RIMS2: variants seen among roughly 807,000 people sequenced by gnomAD.
The protein encoded by RIMS2 is regulating synaptic membrane exocytosis 2, also known as regulating synaptic membrane exocytosis protein 2.
Under a neutral mutation model 174.4 loss-of-function variants are expected in RIMS2, and 59 were observed. That is an observed-to-expected ratio of 0.34 (90% confidence interval 0.27 to 0.42). The LOEUF is 0.42. Among genes scored for constraint, RIMS2 ranks in the 10% least tolerant of loss-of-function variants. The pLI, the probability that RIMS2 is intolerant of heterozygous loss-of-function variation, is 1.00. For missense variants in RIMS2, 1,620 were observed against 1,666.3 expected, an observed-to-expected ratio of 0.97 and a Z score of 0.48; for synonymous variants, 606 against 572.5, an observed-to-expected ratio of 1.06 and a Z score of -0.84.
intron 1 of RIMS2, among the ~76,000 whole-genome samples, chr8:103,564,425 T>A (rs2092063008): frequency 6.6e-6 from 1 of 152,130 alleles, no homozygotes. Flanking sequence ...TTGACTCACA[T>A]AATCACAAGA....
At chr8:103,653,256 C>T (rs1254841179) in intron 1 of RIMS2, among the ~76,000 whole-genome samples, 1 of 152,106 alleles carries the variant, frequency 6.6e-6, no homozygotes, top group East Asian at 1.9e-4. Context: ...GGAAATGTGG[C>T]AATATATTCT....
chr8:104,198,731 G>C (rs957559647), intron 19 of RIMS2, among the ~76,000 whole-genome samples: 2 of 152,152 alleles, frequency 1.3e-5, no homozygotes, highest in African/African-American at 4.8e-5. Flanking sequence ...CCATCCTCAG[G>C]CTCTGGAGTG....
chr8:103,755,280 G>T (rs1460697080), intron 2 of RIMS2, among the ~76,000 whole-genome samples: 3 of 152,200 alleles, frequency 2.0e-5, no homozygotes, highest in Non-Finnish European at 2.9e-5. Context: ...GGCTTGTAGA[G>T]TTTCTGCCAA....
At chr8:104,093,256 A>T (rs2097694399) in intron 19 of RIMS2, among the ~76,000 whole-genome samples, 1 of 152,064 alleles carries the variant, frequency 6.6e-6, no homozygotes, top group African/African-American at 2.4e-5. Context: ...GGGTGTGGTA[A>T]AAACATTCTA....
intron 1 of RIMS2, among the ~76,000 whole-genome samples, chr8:103,681,133 T>C (rs1304154343): frequency 1.3e-5 from 2 of 151,990 alleles, no homozygotes; most frequent in African/African-American, 4.8e-5. Flanking sequence ...GCAGCAACTA[T>C]AGGGGTAAAG....
chr8:103,798,269 A>G (rs1481463586), intron 3 of RIMS2, among the ~76,000 whole-genome samples: 1 of 152,236 alleles, frequency 6.6e-6, no homozygotes, highest in Admixed American at 6.5e-5. Context: ...TTAGAAATAT[A>G]TAAAAGTAGT....
intron 1 of RIMS2, among the ~76,000 whole-genome samples, chr8:103,509,119 G>A (rs1481007667): frequency 6.6e-6 from 1 of 152,016 alleles, no homozygotes; most frequent in Non-Finnish European, 1.5e-5. Flanking sequence ...GGTATAATGG[G>A]ATGGTAGTAA....
chr8:104,223,300 C>A, intron 19 of RIMS2: 1 of 901,490 alleles, frequency 1.1e-6, no homozygotes, highest in Non-Finnish European at 1.3e-6. Flanking sequence ...ACCGCAGCAT[C>A]AGCGGCATCT....
intron 19 of RIMS2, among the ~76,000 whole-genome samples, chr8:104,172,376 A>T (rs1400150661): frequency 6.6e-6 from 1 of 152,220 alleles, no homozygotes; most frequent in East Asian, 1.9e-4. Flanking sequence ...AGAAACAAAA[A>T]AAAAGCTCTA....
chr8:104,069,392 T>A (rs910554512), intron 19 of RIMS2, among the ~76,000 whole-genome samples: 3 of 152,086 alleles, frequency 2.0e-5, no homozygotes, highest in Non-Finnish European at 2.9e-5. Context: ...GAATCTTTTT[T>A]AACTACTTTT....
At chr8:103,677,420 G>A (rs978874312) in intron 1 of RIMS2, among the ~76,000 whole-genome samples, 1 of 152,178 alleles carries the variant, frequency 6.6e-6, no homozygotes, top group African/African-American at 2.4e-5. Context: ...ATCAGATAGA[G>A]TGTGATCTGG....
At chr8:103,960,491 T>C (rs2089635469) in intron 14 of RIMS2, among the ~76,000 whole-genome samples, 1 of 152,190 alleles carries the variant, frequency 6.6e-6, no homozygotes, top group Non-Finnish European at 1.5e-5. Flanking sequence ...AATAGACAAA[T>C]AGCTAAACTA....
intron 19 of RIMS2, among the ~76,000 whole-genome samples, chr8:104,017,934 G>A (rs2095970664): frequency 6.6e-6 from 1 of 151,884 alleles, no homozygotes. Context: ...AATTAGCCAG[G>A]CATGATGGCC....
intron 1 of RIMS2, among the ~76,000 whole-genome samples, chr8:103,676,264 A>G (rs1590134191): frequency 6.6e-6 from 1 of 152,330 alleles, no homozygotes; most frequent in East Asian, 1.9e-4. Flanking sequence ...AATGCCAGAA[A>G]GGTATATTTT....
chr8:103,765,819 A>C (rs1466043816), intron 2 of RIMS2, among the ~76,000 whole-genome samples: 1 of 152,166 alleles, frequency 6.6e-6, no homozygotes, highest in Non-Finnish European at 1.5e-5. Context: ...AAGGAAACTA[A>C]GTTTTATAGA....
At chr8:103,726,314 A>G (rs1362171048) in intron 2 of RIMS2, among the ~76,000 whole-genome samples, 1 of 152,170 alleles carries the variant, frequency 6.6e-6, no homozygotes. Flanking sequence ...GATTGAGAAT[A>G]TCTTCTCTCT....
At chr8:103,923,347 T>C (rs562593024) in intron 10 of RIMS2, among the ~76,000 whole-genome samples, 10 of 151,858 alleles carry the variant, frequency 6.6e-5, no homozygotes, top group Non-Finnish European at 1.2e-4. Context: ...GAGTGGAAGT[T>C]AGATTTCTAT....
chr8:103,783,617 A>G (rs967029087), intron 3 of RIMS2, among the ~76,000 whole-genome samples: 6 of 151,852 alleles, frequency 4.0e-5, no homozygotes, highest in African/African-American at 1.5e-4. Flanking sequence ...TTATGGCTGC[A>G]TAGTATTCCA....
At chr8:103,546,424 A>G (rs1845139813) in intron 1 of RIMS2, among the ~76,000 whole-genome samples, 2 of 152,294 alleles carry the variant, frequency 1.3e-5, no homozygotes, top group South Asian at 4.1e-4. Context: ...TAATGACGTA[A>G]TAATGGTGGG....
Sources: allele counts gnomAD v4.1 joint callset (sites outside exome capture counted in the v4.1 genomes callset), GRCh38; gene constraint gnomAD v4.1.1; transcripts MANE v1.5; gene names NCBI Gene and HGNC (gene_info 2026-07-23, HGNC 2026-07-21).